The following RIN3 variants were observed in gnomAD, a reference collection of about 807,000 sequenced individuals.
The protein encoded by RIN3 is Ras and Rab interactor 3.
Under a neutral mutation model 76.3 loss-of-function variants are expected in RIN3, and 54 were observed. The observed-to-expected ratio is 0.71, with a 90% CI of 0.57 to 0.89. RIN3 has a LOEUF of 0.89. Among genes scored for constraint, RIN3 ranks in the 40% least tolerant of loss-of-function variants. The probability of loss-of-function intolerance (pLI) is 0.00; values close to 1 mark genes in which losing one functional copy is unlikely to be tolerated. For synonymous variants in RIN3, 576 were observed against 564.0 expected (o/e 1.02, Z -0.30); for missense variants, 1,256 against 1,322.1 (o/e 0.95, Z 0.78).
chr14:92,674,054 G>A (rs1258453176), intron 7 of RIN3, among the ~76,000 whole-genome samples: 1 of 152,200 alleles, frequency 6.6e-6, no homozygotes, highest in Non-Finnish European at 1.5e-5. Flanking sequence ...CACATATGGG[G>A]CACGCAGTTT....
At chr14:92,661,749 ACACACAC>A (rs1887891365) in intron 7 of RIN3, among the ~76,000 whole-genome samples, 4 of 139,994 alleles carry the variant, frequency 2.9e-5, no homozygotes, top group South Asian at 2.6e-4. Context: ...ACACACACAC[ACACACAC>A]ACAAAAAATA....
chr14:92,658,836 TGTGA>T (rs1476063003), intron 6 of RIN3, among the ~76,000 whole-genome samples: 2 of 152,188 alleles, frequency 1.3e-5, no homozygotes. Flanking sequence ...ACAACTCCAG[TGTGA>T]GTAACACCCT....
rs1888830143 is a variant in RIN3, at chr14:92,685,743, G to C, written c.2631+593G>C. On this transcript the variant is annotated intron_variant, in intron 9 of 9. Coordinates refer to ENST00000216487, the MANE Select transcript of RIN3 (RefSeq NM_024832.5). This position sits in a 1 kb window ranked among gnomAD's most constrained non-coding sequence, Gnocchi z 4.7. The stretch of plus-strand genomic sequence containing the variant: ...ACATGCCCAGCCCAGTTCACTGGCT[G>C]CTCAACCGCTGCCCTCACTGGTCAA... The C allele has an allele frequency of 6.8e-6, 1 of 148,148 alleles. No individual in the cohort carries two copies. The highest frequency in any genetic ancestry group is 2.5e-5 in the African/African-American group (1 of 39,756). 9.2% of individuals were successfully genotyped at this position (148,148 alleles called of 1,614,324 possible).
At position 92,661,597 on chromosome 14, in the gene RIN3, G is replaced by A. The variant is rs146934655; in HGVS notation, c.2335+2128G>A. 3.5e-3 allele frequency among the ~76,000 whole-genome samples: 528 copies of A among 152,152 alleles called. 3 individuals carry two copies. The highest frequency in any genetic ancestry group is 0.012 in the African/African-American group (499 of 41,480). ...AAATTAGCCGAGTGTGTTGGCGGGC[G>A]CCTGTGATCCCAGCTACTCAGGAGG... On this transcript the variant is annotated intron_variant, in intron 7 of 9. Coordinates refer to ENST00000216487, the MANE Select transcript of RIN3 (RefSeq NM_024832.5).
chr14:92,535,334 C>CTTTTTTTTTTTTTTTTTTTTTT (rs5810602), intron 1 of RIN3, among the ~76,000 whole-genome samples: 3 of 130,024 alleles, frequency 2.3e-5, no homozygotes, highest in African/African-American at 3.0e-5. Context: ...TTCTTTCTTT[C>CTTTTTTTTTTTTTTTTTTTTTT]TTTTTTTTTT....
chr14:92,621,423 T>C (rs922076386), intron 4 of RIN3, among the ~76,000 whole-genome samples: 1 of 151,976 alleles, frequency 6.6e-6, no homozygotes, highest in African/African-American at 2.4e-5. Flanking sequence ...CCCAAGGTGG[T>C]TGGGGTGCAG....
Position 92,685,537 on chromosome 14 carries a change from G to C in RIN3, c.2631+387G>C, listed in dbSNP as rs535763460. On this transcript the variant is annotated intron_variant, in intron 9 of 9. Coordinates refer to ENST00000216487, the MANE Select transcript of RIN3 (RefSeq NM_024832.5). The surrounding 1 kb of genome is among the most constrained non-coding windows in gnomAD (Gnocchi z 4.7). ...GGCTCATCTACAGCCTTGCTCCTTAGTCCCTGGACAAATGCAGCAGCTGCC... is the reference window on the plus strand; with the variant it reads ...GGCTCATCTACAGCCTTGCTCCTTACTCCCTGGACAAATGCAGCAGCTGCC... 2 of 191,684 alleles carry C rather than the reference G, an allele frequency of 1.0e-5. No homozygotes were observed. The highest frequency in any genetic ancestry group is 2.4e-4 in the South Asian group (2 of 8,206). The allele number at this position is 191,684 out of a possible 1,614,324, so 11.9% of individuals were successfully genotyped here. A position where few individuals can be genotyped will look rare whatever the true frequency, so the allele number is the denominator to read the frequency against.
At chr14:92,581,682 A>G (rs184326314) in intron 3 of RIN3, among the ~76,000 whole-genome samples, 17 of 152,302 alleles carry the variant, frequency 1.1e-4, no homozygotes, top group African/African-American at 3.6e-4. Context: ...CCTGGAAACC[A>G]GGACATTGTA....
intron 3 of RIN3, among the ~76,000 whole-genome samples, chr14:92,614,737 G>A (rs1182119770): frequency 6.7e-6 from 1 of 149,856 alleles, no homozygotes; most frequent in African/African-American, 2.5e-5. Flanking sequence ...CGTGCCTTTC[G>A]CCTTCCACCG....
chr14:92,597,988 G>GC (rs1885211434), intron 3 of RIN3, among the ~76,000 whole-genome samples: 2 of 152,164 alleles, frequency 1.3e-5, no homozygotes, highest in African/African-American at 4.8e-5. Flanking sequence ...AGATGGTCAT[G>GC]CACTCTTTGA....
intron 1 of RIN3, among the ~76,000 whole-genome samples, chr14:92,539,083 T>A (rs1256794450): frequency 6.6e-6 from 1 of 152,050 alleles, no homozygotes; most frequent in Non-Finnish European, 1.5e-5. Flanking sequence ...GGGTCTTTTG[T>A]CCTTGCTGCC....
intron 7 of RIN3, among the ~76,000 whole-genome samples, chr14:92,662,026 A>C (rs1349118777): frequency 6.6e-6 from 1 of 152,258 alleles, no homozygotes. Flanking sequence ...CATGGGGGAC[A>C]GCGGACAGCC....
rs1886265177 is a variant in RIN3 at position 92,623,904 on chromosome 14, C to A, written c.440+8425C>A. On this transcript the variant is annotated intron_variant, in intron 4 of 9. Coordinates refer to ENST00000216487, the MANE Select transcript of RIN3 (RefSeq NM_024832.5). This position sits in a 1 kb window ranked among gnomAD's most constrained non-coding sequence, Gnocchi z 4.9. ...GGCTGGATGGCCCTCGGGGGCTCAC[C>A]CTCAAGGTGTTGAGTTTCAGGGAAT... Among the ~76,000 whole-genome samples, 1 of 152,196 alleles carries A rather than the reference C, an allele frequency of 6.6e-6. No individual in the cohort carries two copies. Among genetic ancestry groups the A allele is most frequent in the Non-Finnish European group, 1.5e-5 (1 of 68,036 alleles).
At chr14:92,576,381 G>T in intron 2 of RIN3, 17 of 1,289,794 alleles carry the variant, frequency 1.3e-5, no homozygotes, top group Non-Finnish European at 1.7e-5. Flanking sequence ...GTGAGACCTC[G>T]GTTAGTATTT....
At chr14:92,611,427 A>AT (rs375217679) in intron 3 of RIN3, among the ~76,000 whole-genome samples, 30 of 151,974 alleles carry the variant, frequency 2.0e-4, no homozygotes, top group Middle Eastern at 6.8e-3. Flanking sequence ...CTCCTGGCTA[A>AT]TTTTTTTTAT....
At chr14:92,672,823 T>C (rs1461897905) in intron 7 of RIN3, among the ~76,000 whole-genome samples, 1 of 152,180 alleles carries the variant, frequency 6.6e-6, no homozygotes, top group East Asian at 1.9e-4. Flanking sequence ...TCACTCCCCA[T>C]TCTCTTTTCT....
intron 5 of RIN3, among the ~76,000 whole-genome samples, chr14:92,646,372 G>A (rs1208493806): frequency 2.0e-5 from 3 of 152,166 alleles, no homozygotes; most frequent in African/African-American, 7.2e-5. Flanking sequence ...CCACATGCCC[G>A]CCATGTGCTG....
At position 92,652,034 on chromosome 14, in the gene RIN3, C is replaced by T. The variant is rs1258373529; in HGVS notation, c.985C>T (p.Pro329Ser). The T allele has an allele frequency of 6.3e-7, 1 of 1,596,582 alleles. No individual in the cohort carries two copies. Among genetic ancestry groups the T allele is most frequent in the East Asian group, 2.2e-5 (1 of 44,598 alleles). Residue 329 changes from proline (P) to serine (S), a missense_variant, in exon 6 of 10, where the codon CCC (proline) becomes TCC (serine). This residue lies in a region of RIN3 where 610 missense variants were observed against 626.4 expected (regional missense o/e 0.97). Transcript: ENST00000216487. This position sits in a 1 kb window ranked among gnomAD's most constrained non-coding sequence, Gnocchi z 6.4. ...APHVTPHAPG[P>S]PDHPNQPPMM... ...CCACGTCACACCCCATGCCCCAGGT[C>T]CCCCAGACCATCCGAACCAGCCGCC...
chr14:92,615,137 G>A (rs962112357), intron 3 of RIN3, among the ~76,000 whole-genome samples: 10 of 152,022 alleles, frequency 6.6e-5, no homozygotes, highest in African/African-American at 9.7e-5. Context: ...CACTGTACCC[G>A]GCCCGGGTAT....
Sources: allele counts gnomAD v4.1 joint callset (sites outside exome capture counted in the v4.1 genomes callset), GRCh38; gene constraint gnomAD v4.1.1; regional missense constraint gnomAD v4.1.1; non-coding constraint Gnocchi (gnomAD v3.1); transcripts MANE v1.5; gene names NCBI Gene and HGNC (gene_info 2026-07-23, HGNC 2026-07-21).